The following TANGO6 variants were observed in gnomAD, a reference collection of about 807,000 sequenced individuals.
TANGO6 encodes the protein transport and Golgi organization protein 6 homolog.
A neutral mutation model predicts 114.2 loss-of-function variants in TANGO6; 90 were observed. The ratio of observed to expected loss-of-function variants is 0.79; its 90% CI spans 0.66 to 0.94. TANGO6 has a LOEUF of 0.94. Ranked by LOEUF, TANGO6 falls within the 40% of genes least tolerant of loss-of-function variation. The probability of loss-of-function intolerance (pLI) is 0.00; values close to 1 mark genes in which losing one functional copy is unlikely to be tolerated. For synonymous variants in TANGO6, 477 were observed against 509.8 expected, an observed-to-expected ratio of 0.94 and a Z score of 0.87; for missense variants, 1,274 against 1,315.3, an observed-to-expected ratio of 0.97 and a Z score of 0.49.
intron 14 of TANGO6, chr16:68,973,039 C>T: frequency 2.2e-6 from 1 of 445,022 alleles, no homozygotes; most frequent in South Asian, 1.6e-5. Flanking sequence ...GGGGACTGCT[C>T]ATATTCAGGG....
chr16:69,076,354 A>G (rs567968927), intron 17 of TANGO6, among the ~76,000 whole-genome samples: 1 of 151,380 alleles, frequency 6.6e-6, no homozygotes, highest in African/African-American at 2.4e-5. Context: ...GGCCTCCCAA[A>G]ATGCTAGGAT....
At position 68,991,694 on chromosome 16, in the gene TANGO6, T is replaced by A. The variant is rs555929018; in HGVS notation, c.2842+17526T>A. Among the ~76,000 whole-genome samples the A allele has an allele frequency of 2.6e-5, 4 of 152,152 alleles. No homozygotes were observed. In the East Asian group the frequency reaches 7.7e-4, roughly 29 times the overall value. ...TTAGATGGGCATAGTGGCATGCATC[T>A]GTAATCCCAGCTACTCGGGAGGCTG... On this transcript the variant is annotated intron_variant, in intron 15 of 17. Coordinates refer to ENST00000261778, the MANE Select transcript of TANGO6 (RefSeq NM_024562.2).
intron 17 of TANGO6, among the ~76,000 whole-genome samples, chr16:69,074,902 A>C (rs55829992): frequency 0.088 from 13,274 of 150,352 alleles, 662 homozygotes; most frequent in South Asian, 0.18. Flanking sequence ...GGCTAGTGTG[A>C]GGTGGCGCCA....
At chr16:68,947,347 AG>A (rs1407068772) in intron 14 of TANGO6, among the ~76,000 whole-genome samples, 2 of 151,934 alleles carry the variant, frequency 1.3e-5, no homozygotes, top group African/African-American at 4.8e-5. Context: ...CCAGCTACTC[AG>A]GAGGCTGAAG....
At chr16:69,005,788 CA>C (rs57025707) in intron 15 of TANGO6, among the ~76,000 whole-genome samples, 17,409 of 86,844 alleles carry the variant, frequency 0.2, 1,360 homozygotes, top group African/African-American at 0.34. Flanking sequence ...AACTTCATCT[CA>C]AAAAAAAAAA....
intron 14 of TANGO6, among the ~76,000 whole-genome samples, chr16:68,932,647 AGGT>A (rs1455289362): frequency 6.6e-6 from 1 of 151,958 alleles, no homozygotes; most frequent in Non-Finnish European, 1.5e-5. Context: ...AAAGTTAGCC[AGGT>A]GTGGTGGCGG....
Position 68,860,580 on chromosome 16 carries a change from A to T in TANGO6, c.735+56A>T, listed in dbSNP as rs560260864. ...AGATTGTGTGTGTATGAATGTGTGT[A>T]TATATTTGTGGATAGTTGTTATAAA... On this transcript the variant is annotated intron_variant, in intron 2 of 17. Coordinates refer to ENST00000261778, the MANE Select transcript of TANGO6 (RefSeq NM_024562.2). 19 of 1,570,492 alleles carry T rather than the reference A, an allele frequency of 1.2e-5. No homozygotes were observed. The East Asian group carries it at 3.8e-4, about 32-fold the overall frequency.
chr16:69,024,289 C>G (rs1470752866), intron 16 of TANGO6, among the ~76,000 whole-genome samples: 2 of 148,150 alleles, frequency 1.3e-5, no homozygotes, highest in African/African-American at 2.5e-5. Context: ...TTTTTTGAGA[C>G]AGAGTCTCGC....
chr16:68,907,605 G>T, intron 10 of TANGO6, 30 bp downstream of exon 10: 1 of 1,588,964 alleles, frequency 6.3e-7, no homozygotes, highest in Non-Finnish European at 8.5e-7. Context: ...CCTGGTCAGT[G>T]TTGTTCCAGG....
At chr16:68,989,377 T>C (rs1963927173) in intron 15 of TANGO6, among the ~76,000 whole-genome samples, 1 of 152,164 alleles carries the variant, frequency 6.6e-6, no homozygotes, top group Non-Finnish European at 1.5e-5. Flanking sequence ...ATGGACTCTT[T>C]CCTCTGTCAT....
At chr16:69,054,663 G>A (rs537960905) in intron 17 of TANGO6, among the ~76,000 whole-genome samples, 1 of 152,160 alleles carries the variant, frequency 6.6e-6, no homozygotes, top group South Asian at 2.1e-4. Flanking sequence ...GCCGGGCGTG[G>A]TGGCTCAAGC....
At chr16:69,038,438 A>G (rs1959724528) in intron 16 of TANGO6, among the ~76,000 whole-genome samples, 1 of 152,130 alleles carries the variant, frequency 6.6e-6, no homozygotes, top group African/African-American at 2.4e-5. Context: ...TCAAAAAAAA[A>G]AAAAGTATAT....
chr16:68,891,507 T>C (rs963998387), intron 7 of TANGO6, among the ~76,000 whole-genome samples: 4 of 152,186 alleles, frequency 2.6e-5, no homozygotes, highest in African/African-American at 9.7e-5. Context: ...TGAGAACTGC[T>C]TTCTGTTTTG....
chr16:68,992,751 C>A (rs1030269389), intron 15 of TANGO6, among the ~76,000 whole-genome samples: 1 of 152,152 alleles, frequency 6.6e-6, no homozygotes, highest in East Asian at 1.9e-4. Flanking sequence ...CCTCTCAAAT[C>A]AAGCTTTGTA....
chr16:69,011,254 G>A (rs907177904), intron 15 of TANGO6, among the ~76,000 whole-genome samples: 33 of 152,118 alleles, frequency 2.2e-4, no homozygotes. Context: ...AAAGAAAAGG[G>A]GGGGCAGGAG....
intron 3 of TANGO6, among the ~76,000 whole-genome samples, chr16:68,865,753 CAAAA>C (rs367608096): frequency 8.7e-6 from 1 of 115,064 alleles, no homozygotes; most frequent in African/African-American, 3.0e-5. Context: ...ACTAAAAATA[CAAAA>C]AAAAAAAAAA....
chr16:69,010,045 CA>C (rs1429765712), intron 15 of TANGO6, among the ~76,000 whole-genome samples: 1 of 152,122 alleles, frequency 6.6e-6, no homozygotes, highest in Non-Finnish European at 1.5e-5. Flanking sequence ...TTTCTCTTGC[CA>C]AAGTATCTAG....
At chr16:69,042,326 C>T (rs1397845118) in intron 17 of TANGO6, among the ~76,000 whole-genome samples, 1 of 152,092 alleles carries the variant, frequency 6.6e-6, no homozygotes, top group Non-Finnish European at 1.5e-5. Context: ...GCGGGTGGAT[C>T]ACCTGAGGTC....
chr16:68,862,372 T>G (rs1962107340), intron 2 of TANGO6, among the ~76,000 whole-genome samples: 1 of 152,042 alleles, frequency 6.6e-6, no homozygotes. Flanking sequence ...AATTTTTGTA[T>G]TTTTAGTAGA....
Sources: allele counts gnomAD v4.1 joint callset (sites outside exome capture counted in the v4.1 genomes callset), GRCh38; gene constraint gnomAD v4.1.1; transcripts MANE v1.5; gene names NCBI Gene and HGNC (gene_info 2026-07-23, HGNC 2026-07-21).